The following CDC42BPA variants were observed in gnomAD, a reference collection of about 807,000 sequenced individuals.
The protein encoded by CDC42BPA is CDC42 binding protein kinase alpha, also known as serine/threonine-protein kinase MRCK alpha.
CDC42BPA carries 80 observed loss-of-function variants against 223.5 expected under a neutral mutation model. That is an observed-to-expected ratio of 0.36 (90% CI 0.30 to 0.43). The LOEUF (loss-of-function observed/expected upper bound fraction) is 0.43, where lower values mean the gene tolerates loss of function less well. Ranked by LOEUF, CDC42BPA falls within the 20% of genes least tolerant of loss-of-function variation. The pLI, the probability that CDC42BPA is intolerant of heterozygous loss-of-function variation, is 1.00. For missense variants in CDC42BPA, 1,743 were observed against 2,099.9 expected (o/e 0.83, Z 3.32); for synonymous variants, 694 against 718.6 (o/e 0.97, Z 0.55).
intron 1 of CDC42BPA, among the ~76,000 whole-genome samples, chr1:227,258,330 C>A (rs1401468792): frequency 1.3e-5 from 2 of 150,810 alleles, no homozygotes; most frequent in Non-Finnish European, 2.9e-5. Flanking sequence ...CTAGCTCCCC[C>A]ACCCAGACTA....
chr1:227,181,277 C>T (rs1163272438), intron 5 of CDC42BPA, among the ~76,000 whole-genome samples: 1 of 152,166 alleles, frequency 6.6e-6, no homozygotes, highest in East Asian at 1.9e-4. Context: ...AAAAAACCCA[C>T]CATTTTGTTA....
At chr1:227,114,073 G>A (rs1572889665) in intron 12 of CDC42BPA, among the ~76,000 whole-genome samples, 1 of 150,194 alleles carries the variant, frequency 6.7e-6, no homozygotes, top group South Asian at 2.1e-4. Context: ...TTAAAGACAT[G>A]CATCCATCAC....
chr1:227,098,634 T>A (rs1415819700), intron 15 of CDC42BPA, among the ~76,000 whole-genome samples: 1 of 151,992 alleles, frequency 6.6e-6, no homozygotes, highest in Non-Finnish European at 1.5e-5. Flanking sequence ...CCTCATCCCA[T>A]ACCTAGTCCA....
At chr1:227,001,124 G>C (rs1409779954) in intron 35 of CDC42BPA, among the ~76,000 whole-genome samples, 1 of 152,208 alleles carries the variant, frequency 6.6e-6, no homozygotes, top group Non-Finnish European at 1.5e-5. Flanking sequence ...ATCTGACTTT[G>C]CATCATGAAA....
chr1:227,061,311 A>G (rs1675885747), intron 21 of CDC42BPA, among the ~76,000 whole-genome samples: 1 of 152,138 alleles, frequency 6.6e-6, no homozygotes, highest in Non-Finnish European at 1.5e-5. Flanking sequence ...AATAATCATA[A>G]TAACATTTAT....
chr1:227,095,596 T>G (rs1184779368), intron 15 of CDC42BPA, among the ~76,000 whole-genome samples: 3 of 150,540 alleles, frequency 2.0e-5, no homozygotes, highest in South Asian at 2.1e-4. Context: ...TTGGTTTTTT[T>G]TTTTTTTTTT....
At chr1:227,195,831 T>C (rs566517883) in intron 4 of CDC42BPA, among the ~76,000 whole-genome samples, 152 of 152,294 alleles carry the variant, frequency 1.0e-3, no homozygotes, top group African/African-American at 3.6e-3. Flanking sequence ...TTAAAAAACA[T>C]AGACTGAGAG....
intron 7 of CDC42BPA, among the ~76,000 whole-genome samples, 184 bp downstream of exon 7, chr1:227,147,174 CA>C (rs1201924382): frequency 6.6e-6 from 1 of 152,046 alleles, no homozygotes; most frequent in Non-Finnish European, 1.5e-5. Flanking sequence ...TAATAAAATA[CA>C]AGAAAATTAG....
At chr1:227,128,969 ATTC>A in intron 11 of CDC42BPA, 137 bp downstream of exon 11, 6 of 624,726 alleles carry the variant, frequency 9.6e-6, no homozygotes, top group Non-Finnish European at 1.7e-5. Flanking sequence ...AGCAGAACCC[ATTC>A]TTATTTGCCC....
intron 11 of CDC42BPA, among the ~76,000 whole-genome samples, chr1:227,124,287 G>T (rs1689155746): frequency 6.6e-6 from 1 of 151,956 alleles, no homozygotes; most frequent in Non-Finnish European, 1.5e-5. Flanking sequence ...ACTGCTGCTG[G>T]GAAACACAAG....
At chr1:227,299,856 G>A (rs1421534468) in intron 1 of CDC42BPA, among the ~76,000 whole-genome samples, 1 of 152,134 alleles carries the variant, frequency 6.6e-6, no homozygotes, top group Non-Finnish European at 1.5e-5. Flanking sequence ...AATTTCTTTT[G>A]GGGTGTGTTT....
intron 1 of CDC42BPA, among the ~76,000 whole-genome samples, chr1:227,311,641 A>G (rs1370369107): frequency 1.3e-5 from 2 of 152,184 alleles, no homozygotes; most frequent in African/African-American, 2.4e-5. Context: ...ACAAAGGAAG[A>G]GACAATAAAC....
chr1:227,026,347 G>A (rs576195129), intron 30 of CDC42BPA, among the ~76,000 whole-genome samples, 195 bp from the exon 31 acceptor site: 43 of 152,248 alleles, frequency 2.8e-4, no homozygotes, highest in African/African-American at 1.0e-3. Flanking sequence ...GGTATACCAT[G>A]ATTCAGATTA....
intron 35 of CDC42BPA, among the ~76,000 whole-genome samples, chr1:227,003,063 T>C (rs1163033509): frequency 3.9e-5 from 6 of 152,190 alleles, no homozygotes; most frequent in African/African-American, 7.2e-5. Context: ...CATCTTTATG[T>C]CGTCAGAATC....
intron 5 of CDC42BPA, among the ~76,000 whole-genome samples, chr1:227,179,417 A>C (rs1667517869): frequency 6.6e-6 from 1 of 151,964 alleles, no homozygotes; most frequent in Non-Finnish European, 1.5e-5. Context: ...CGGGCGGATC[A>C]CAAGGTCAGG....
intron 22 of CDC42BPA, among the ~76,000 whole-genome samples, chr1:227,051,459 T>C (rs951192272): frequency 1.3e-5 from 2 of 152,216 alleles, no homozygotes; most frequent in Admixed American, 6.6e-5. Flanking sequence ...AACTATTCAG[T>C]TGCCAGAAGT....
rs928745714 is a variant in CDC42BPA at position 227,029,168 on chromosome 1, T to C, written c.3921A>G (p.Gly1307=). 1 of 1,603,658 alleles carries C rather than the reference T, an allele frequency of 6.2e-7. No individual in the cohort carries two copies. Among genetic ancestry groups the C allele is most frequent in the Non-Finnish European group, 8.5e-7 (1 of 1,179,970 alleles). The change falls in exon 30 of 37, where the codon GGA becomes GGG. Residue 1307 remains glycine (G), a synonymous_variant. Transcript: ENST00000366766. ...PNDQLVAVIS[G]RNRHVRLFPM... ...GAAAAAGTCGTACATGACGATTTCGTCCTGAGATCACAGCAACAAGCTGAT... is the reference window on the plus strand; with the variant it reads ...GAAAAAGTCGTACATGACGATTTCGCCCTGAGATCACAGCAACAAGCTGAT...
intron 1 of CDC42BPA, among the ~76,000 whole-genome samples, chr1:227,287,011 A>AC (rs112992311): frequency 0.31 from 46,660 of 151,902 alleles, 7,331 homozygotes; most frequent in East Asian, 0.37. Context: ...CCATTCATGA[A>AC]AATCTGTCTC....
chr1:227,243,835 C>T (rs922235866), intron 2 of CDC42BPA, among the ~76,000 whole-genome samples: 4 of 151,412 alleles, frequency 2.6e-5, no homozygotes, highest in Non-Finnish European at 5.9e-5. Context: ...TAGAATATGA[C>T]GATAAGTCAG....
Sources: gnomAD v4.1 joint callset for allele counts (sites outside exome capture counted in the v4.1 genomes callset) on GRCh38, gnomAD v4.1.1 for gene constraint, MANE v1.5 for transcripts, NCBI Gene and HGNC (gene_info 2026-07-23, HGNC 2026-07-21) for gene names.